CAMKV: variants seen among roughly 807,000 people sequenced by gnomAD.
CAMKV encodes caM kinase-like vesicle-associated protein.
CAMKV carries 5 observed loss-of-function variants against 50.2 expected under a neutral mutation model. The ratio of observed to expected loss-of-function variants is 0.10; its 90% CI spans 0.05 to 0.21. CAMKV has a LOEUF of 0.21. CAMKV is among the 10% of genes least tolerant of loss of function. The probability of loss-of-function intolerance (pLI) is 1.00; values close to 1 mark genes in which losing one functional copy is unlikely to be tolerated. For missense variants in CAMKV, 361 were observed against 650.5 expected (o/e 0.55, Z 4.84); for synonymous variants, 229 against 250.1 (o/e 0.92, Z 0.80).
In CAMKV at chr3:49,868,839, T is replaced by C. The variant is rs537946582; in HGVS notation, c.-15+919A>G. 3.3e-5 allele frequency among the ~76,000 whole-genome samples: 5 copies of C among 152,276 alleles called. No homozygotes were observed. The South Asian group carries it at 1.0e-3, about 32-fold the overall frequency. On this transcript the variant is annotated intron_variant, in intron 1 of 10. Coordinates refer to ENST00000477224, the MANE Select transcript of CAMKV (RefSeq NM_024046.5). ...TGGACTACTGCAGACTCTGAGCTTTTAGTGTGGGACAGAGGGCCCTGATCC... is the reference window on the plus strand; with the variant it reads ...TGGACTACTGCAGACTCTGAGCTTTCAGTGTGGGACAGAGGGCCCTGATCC...
Position 49,858,873 on chromosome 3 carries a change from C to T in CAMKV, c.*445G>A, listed in dbSNP as rs2081997938. The T allele has an allele frequency of 5.6e-6, 1 of 178,070 alleles. No homozygotes were observed. The highest frequency in any genetic ancestry group is 1.2e-5 in the Non-Finnish European group (1 of 83,340). The allele number at this position is 178,070 out of a possible 1,614,324, so 11.0% of individuals were successfully genotyped here. On this transcript the variant is annotated 3_prime_UTR_variant, in exon 11 of 11. Transcript: ENST00000477224. ...CACCTTCATGTGCAGGAGCCTAAGACCGCTGACAGGGCCTCGCTGGAGGAC... is the reference window on the plus strand; with the variant it reads ...CACCTTCATGTGCAGGAGCCTAAGATCGCTGACAGGGCCTCGCTGGAGGAC...
chr3:49,864,461 T>A (rs1009495601), intron 1 of CAMKV, among the ~76,000 whole-genome samples: 13 of 152,098 alleles, frequency 8.5e-5, no homozygotes, highest in Non-Finnish European at 1.5e-4. Flanking sequence ...GGGCACGGTG[T>A]CCCACAGGTC....
In CAMKV at chr3:49,859,807, C is replaced by G; in HGVS notation, c.1017G>C (p.Ser339=). ...PEQSSTAAAQ[S]ASATDTATPG... is the part of the protein sequence containing the mutation. ...GGGTGGCAGTGTCTGTGGCTGAGGC[C>G]GACTGGGCTGCAGCCGTGCTGGACT... Residue 339 remains serine (S), a synonymous_variant, in exon 11 of 11, where the codon TCG becomes TCC. Transcript: ENST00000477224. This position sits in a 1 kb window ranked among gnomAD's most constrained non-coding sequence, Gnocchi z 5.5. 6.5e-7 allele frequency: 1 copy of G among 1,545,792 alleles called. No individual in the cohort carries two copies. Among genetic ancestry groups the G allele is most frequent in the Non-Finnish European group, 8.7e-7 (1 of 1,149,724 alleles).
chr3:49,861,124 G>A lies in CAMKV; in HGVS notation c.562+56C>T. 1 of 1,586,862 alleles carries A rather than the reference G, an allele frequency of 6.3e-7. No homozygotes were observed. Among genetic ancestry groups the A allele is most frequent in the African/African-American group, 1.3e-5 (1 of 74,518 alleles). On this transcript the variant is annotated intron_variant, in intron 6 of 10. Coordinates refer to ENST00000477224, the MANE Select transcript of CAMKV (RefSeq NM_024046.5). The surrounding 1 kb of genome is among the most constrained non-coding windows in gnomAD (Gnocchi z 7.7). ...GCACATTTTCCCCCTGCCCAGAGCAGCTCCCTGAAGGCTGCCCCCCATTAT... is the reference window on the plus strand; with the variant it reads ...GCACATTTTCCCCCTGCCCAGAGCAACTCCCTGAAGGCTGCCCCCCATTAT...
At position 49,862,461 on chromosome 3, in the gene CAMKV, G is replaced by C. The variant is rs1294361478; in HGVS notation, c.-14-59C>G. On this transcript the variant is annotated intron_variant, in intron 1 of 10. Coordinates refer to ENST00000477224, the MANE Select transcript of CAMKV (RefSeq NM_024046.5). The surrounding 1 kb of genome is among the most constrained non-coding windows in gnomAD (Gnocchi z 5.2). The stretch of plus-strand genomic sequence containing the variant: ...TACTCTCCACTTCCCCACAACATAG[G>C]GGCTGCTTTTGGGAGACCCCAACCT... 2 of 1,486,742 alleles carry C rather than the reference G, an allele frequency of 1.3e-6. No individual in the cohort carries two copies. Among genetic ancestry groups the C allele is most frequent in the Non-Finnish European group, 1.9e-6 (2 of 1,064,440 alleles). The allele number at this position is 1,486,742 out of a possible 1,614,324, so 92.1% of individuals were successfully genotyped here.
In CAMKV at chr3:49,861,574, G is replaced by A. The variant is rs2082021600; in HGVS notation, c.306C>T (p.Ala102=). The A allele has an allele frequency of 6.2e-7, 1 of 1,613,906 alleles. No homozygotes were observed. The highest frequency in any genetic ancestry group is 1.3e-5 in the African/African-American group (1 of 74,922). The change falls in exon 5 of 11, where the codon GCC becomes GCT. Residue 102 remains alanine (A), a synonymous_variant. Coordinates refer to ENST00000477224, the MANE Select transcript of CAMKV (RefSeq NM_024046.5). This position sits in a 1 kb window ranked among gnomAD's most constrained non-coding sequence, Gnocchi z 7.7. ...RKEYFIFLEL[A]TGREVFDWIL... is the part of the protein sequence containing the mutation. ...TCCAGTCAAACACCTCCCTCCCCGTGGCCCTGAGGGACACCAGCCCCTGAG... is the reference window on the plus strand; with the variant it reads ...TCCAGTCAAACACCTCCCTCCCCGTAGCCCTGAGGGACACCAGCCCCTGAG...
chr3:49,864,770 G>C (rs1255311221), intron 1 of CAMKV, among the ~76,000 whole-genome samples: 1 of 152,220 alleles, frequency 6.6e-6, no homozygotes, highest in Non-Finnish European at 1.5e-5. Flanking sequence ...GCTAGGGCCT[G>C]GGGGTACCTA....
At chr3:49,868,245 C>G (rs1324107245) in intron 1 of CAMKV, among the ~76,000 whole-genome samples, 2 of 152,170 alleles carry the variant, frequency 1.3e-5, no homozygotes, top group African/African-American at 4.8e-5. Context: ...GTTGGCCCAG[C>G]TGTACTTAGA....
chr3:49,862,753 C>T lies in CAMKV; in HGVS notation c.-14-351G>A, dbSNP rs2082032803. ...AAGGGGGCTATAACCACCCACCCAC[C>T]TGCTAGTCATCTCTGAAGGTCTAGA... On this transcript the variant is annotated intron_variant, in intron 1 of 10. Coordinates refer to ENST00000477224, the MANE Select transcript of CAMKV (RefSeq NM_024046.5). This position sits in a 1 kb window ranked among gnomAD's most constrained non-coding sequence, Gnocchi z 5.2. Among the ~76,000 whole-genome samples, 1 of 152,254 alleles carries T rather than the reference C, an allele frequency of 6.6e-6. No homozygotes were observed. The highest frequency in any genetic ancestry group is 1.5e-5 in the Non-Finnish European group (1 of 68,044).
In CAMKV at chr3:49,860,281, T is replaced by C; in HGVS notation, c.855-23A>G. The C allele has an allele frequency of 6.2e-7, 1 of 1,609,574 alleles. No individual in the cohort carries two copies. Among genetic ancestry groups the C allele is most frequent in the East Asian group, 2.2e-5 (1 of 44,852 alleles). On this transcript the variant is annotated intron_variant, in intron 9 of 10. Coordinates refer to ENST00000477224, the MANE Select transcript of CAMKV (RefSeq NM_024046.5). This position sits in a 1 kb window ranked among gnomAD's most constrained non-coding sequence, Gnocchi z 6.1. ...ATCCTGGAAAGGGTGCAAGTGTGTC[T>C]GGATCTGAGAGAATGAGCCTTTGTG...
In CAMKV at chr3:49,860,516, T is replaced by A; in HGVS notation, c.809A>T (p.Glu270Val). The A allele has an allele frequency of 6.2e-7, 1 of 1,613,586 alleles. No homozygotes were observed. Among genetic ancestry groups the A allele is most frequent in the South Asian group, 1.1e-5 (1 of 90,944 alleles). Residue 270 changes from glutamate to valine, a missense_variant, in exon 9 of 11, where the codon GAG becomes GTG. By Grantham distance (121) the Glu-to-Val change is moderately radical. Around this residue, in one of 4 missense-constraint regions of CAMKV, gnomAD observed 172 missense variants for 414.3 expected, o/e 0.42. Transcript: ENST00000477224. The surrounding 1 kb of genome is among the most constrained non-coding windows in gnomAD (Gnocchi z 6.1). ...TTCTGCAGTGATCCGCTGGTCTTGC[T>A]CCACCTCCATCAGCCTTGTGACCAG... ...KDLVTRLMEVEQDQRITAEEA... is the reference protein window; with the variant it reads ...KDLVTRLMEVVQDQRITAEEA...
rs2082093925 is a variant in CAMKV at position 49,869,799 on chromosome 3, T to A, written c.-56A>T. 6.6e-6 allele frequency: 1 copy of A among 151,998 alleles called. No individual in the cohort carries two copies. The highest frequency in any genetic ancestry group is 1.5e-5 in the Non-Finnish European group (1 of 67,982). 9.4% of individuals were successfully genotyped at this position (151,998 alleles called of 1,614,324 possible). ...TCACAGGGAGGAAGTGATCGCGGGCTCAGCGGGGCGCCGAGGGCTCCGGGG... is the reference window on the plus strand; with the variant it reads ...TCACAGGGAGGAAGTGATCGCGGGCACAGCGGGGCGCCGAGGGCTCCGGGG... On this transcript the variant is annotated 5_prime_UTR_variant, in exon 1 of 11. Transcript: ENST00000477224. The surrounding 1 kb of genome is among the most constrained non-coding windows in gnomAD (Gnocchi z 5.2).
At chr3:49,867,510 G>T (rs1335121856) in intron 1 of CAMKV, among the ~76,000 whole-genome samples, 1 of 152,174 alleles carries the variant, frequency 6.6e-6, no homozygotes, top group Non-Finnish European at 1.5e-5. Context: ...ACCCCTGAAG[G>T]AGAATCCACT....
chr3:49,861,519 C>A lies in CAMKV; in HGVS notation c.361G>T (p.Asp121Tyr). 1 of 1,614,184 alleles carries A rather than the reference C, an allele frequency of 6.2e-7. No homozygotes were observed. Among genetic ancestry groups the A allele is most frequent in the Non-Finnish European group, 8.5e-7 (1 of 1,180,040 alleles). ...ILDQGYYSER[D>Y]TSNVVRQVLE... Reference sequence around the variant, plus strand: ...ACTTGCCGTACCACGTTGCTTGTGTCTCGCTCCGAGTAGTAGCCCTGGTCC... The same window carrying A: ...ACTTGCCGTACCACGTTGCTTGTGTATCGCTCCGAGTAGTAGCCCTGGTCC... Residue 121 changes from aspartate (D) to tyrosine (Y), a missense_variant, in exon 5 of 11, where the codon GAC becomes TAC. Physicochemically the swap from Asp to Tyr is radical, Grantham distance 160 (BLOSUM62 -3). Coordinates refer to ENST00000477224, the MANE Select transcript of CAMKV (RefSeq NM_024046.5). This position sits in a 1 kb window ranked among gnomAD's most constrained non-coding sequence, Gnocchi z 7.7.
intron 1 of CAMKV, among the ~76,000 whole-genome samples, chr3:49,868,872 G>A (rs901416542): frequency 6.6e-6 from 1 of 152,222 alleles, no homozygotes; most frequent in Non-Finnish European, 1.5e-5. Context: ...TCCTTAGGAA[G>A]GAACCTGGTG....
At position 49,860,025 on chromosome 3, in the gene CAMKV, A is replaced by T; in HGVS notation, c.943-144T>A. The T allele has an allele frequency of 9.6e-7, 1 of 1,044,310 alleles. No homozygotes were observed. Among genetic ancestry groups the T allele is most frequent in the Non-Finnish European group, 1.4e-6 (1 of 708,930 alleles). The allele number at this position is 1,044,310 out of a possible 1,614,324, so 64.7% of individuals were successfully genotyped here. On this transcript the variant is annotated intron_variant, in intron 10 of 10. Transcript: ENST00000477224. The surrounding 1 kb of genome is among the most constrained non-coding windows in gnomAD (Gnocchi z 6.1). ...AAGTACTCAGCTGCTCAGCACTCCT[A>T]CTTAAGGTAATCACAGTGGCTACAC... is the stretch of plus-strand genomic sequence containing the variant.
rs1414684851 is a variant in CAMKV at position 49,858,764 on chromosome 3, G to C, written c.*554C>G. The stretch of plus-strand genomic sequence containing the variant: ...TATCCCTAGCCATGTGCCAAGTCTG[G>C]ACTTAAACATACTGCCCTACCTTTC... On this transcript the variant is annotated 3_prime_UTR_variant, in exon 11 of 11. Coordinates refer to ENST00000477224, the MANE Select transcript of CAMKV (RefSeq NM_024046.5). 1.1e-5 allele frequency: 2 copies of C among 176,324 alleles called. No homozygotes were observed. The highest frequency in any genetic ancestry group is 3.0e-4 in the East Asian group (2 of 6,580). 10.9% of individuals were successfully genotyped at this position (176,324 alleles called of 1,614,324 possible).
chr3:49,859,455 C>T lies in CAMKV; in HGVS notation c.1369G>A (p.Ala457Thr). 6.2e-7 allele frequency: 1 copy of T among 1,613,842 alleles called. No homozygotes were observed. The highest frequency in any genetic ancestry group is 8.5e-7 in the Non-Finnish European group (1 of 1,179,752). Residue 457 changes from alanine to threonine, a missense_variant, in exon 11 of 11, where the codon GCT (alanine) becomes ACT (threonine). Coordinates refer to ENST00000477224, the MANE Select transcript of CAMKV (RefSeq NM_024046.5). The surrounding 1 kb of genome is among the most constrained non-coding windows in gnomAD (Gnocchi z 5.5). ...GCCATAGCCGGCTCAGGGGTGGCAG[C>T]TGCCTTGGTGGCCAGCATGGCACTG... ...QSSAMLATKA[A>T]ATPEPAMAQP...
intron 1 of CAMKV, among the ~76,000 whole-genome samples, chr3:49,864,682 G>A (rs575205869): frequency 6.6e-6 from 1 of 152,186 alleles, no homozygotes; most frequent in Non-Finnish European, 1.5e-5. Flanking sequence ...CTGAGGCTGC[G>A]CTGAAATTGC....
Sources: allele counts gnomAD v4.1 joint callset (sites outside exome capture counted in the v4.1 genomes callset), GRCh38; gene constraint gnomAD v4.1.1; regional missense constraint gnomAD v4.1.1; non-coding constraint Gnocchi (gnomAD v3.1); transcripts MANE v1.5; gene names NCBI Gene and HGNC (gene_info 2026-07-23, HGNC 2026-07-21).